The following PCDHA4 variants were observed in gnomAD, a reference collection of about 807,000 sequenced individuals.
PCDHA4 encodes protocadherin alpha 4, also known as protocadherin alpha-4.
In PCDHA4, 49 loss-of-function variants were observed where a neutral mutation model predicts 61.4. The observed-to-expected ratio is 0.80, with a 90% CI of 0.63 to 1.01. The LOEUF (loss-of-function observed/expected upper bound fraction) is 1.01. Among genes scored for constraint, PCDHA4 ranks in the 50% least tolerant of loss-of-function variants. The pLI, the probability that PCDHA4 is intolerant of heterozygous loss-of-function variation, is 0.00. For synonymous variants in PCDHA4, 590 were observed against 550.3 expected, an observed-to-expected ratio of 1.07 and a Z score of -1.01; for missense variants, 1,254 against 1,235.8, an observed-to-expected ratio of 1.01 and a Z score of -0.22.
At chr5:140,848,283 C>G in intron 1 of PCDHA4, 1 of 605,274 alleles carries the variant, frequency 1.7e-6, no homozygotes, top group Non-Finnish European at 2.9e-6. Context: ...TATGTACTTA[C>G]ACTTTGGGCC....
chr5:140,930,196 T>C (rs1554207641), intron 1 of PCDHA4: 1 of 152,226 alleles, frequency 6.6e-6, no homozygotes, highest in South Asian at 2.1e-4. Flanking sequence ...AATTTTTATG[T>C]CAGAAATATT....
intron 1 of PCDHA4, among the ~76,000 whole-genome samples, chr5:140,950,208 C>G (rs1377059178): frequency 1.3e-5 from 2 of 151,900 alleles, no homozygotes; most frequent in Non-Finnish European, 2.9e-5. Context: ...TTCTGTTTAC[C>G]TAGTCATTTA....
intron 3 of PCDHA4, among the ~76,000 whole-genome samples, chr5:141,005,701 C>CAA (rs59860837): frequency 0.061 from 476 of 7,774 alleles, 114 homozygotes; most frequent in African/African-American, 0.16. Flanking sequence ...AACTCCGTCT[C>CAA]AAAAAAAAAA....
At position 140,849,758 on chromosome 5, in the gene PCDHA4, C is replaced by G. The variant is rs150560525; in HGVS notation, c.2385+40186C>G. ...TGGACCGCGAGAGTGTGTCCGCCTA[C>G]GAGCTGGTGGTTACCGCGCGGGACG... On this transcript the variant is annotated intron_variant, in intron 1 of 3. Transcript: ENST00000530339. 7 of 1,598,378 alleles carry G rather than the reference C, an allele frequency of 4.4e-6. No homozygotes were observed. In the African/African-American group the frequency reaches 5.4e-5, roughly 12 times the overall value.
At chr5:140,866,584 T>C (rs2049444092) in intron 1 of PCDHA4, 1 of 152,156 alleles carries the variant, frequency 6.6e-6, no homozygotes, top group Non-Finnish European at 1.5e-5. Context: ...GGTTGGATAA[T>C]GTAATTCTAA....
intron 1 of PCDHA4, chr5:140,875,402 CT>C (rs2055455404): frequency 6.7e-7 from 1 of 1,488,754 alleles, no homozygotes; most frequent in African/African-American, 1.4e-5. Flanking sequence ...AGGGTGACTG[CT>C]CATAAAATAC....
At chr5:140,968,722 T>C (rs1379540261) in intron 1 of PCDHA4, 2 of 1,613,846 alleles carry the variant, frequency 1.2e-6, no homozygotes, top group Admixed American at 1.7e-5. Context: ...GAGATGAGAG[T>C]GGTAGCACTT....
At chr5:140,842,662 C>A in intron 1 of PCDHA4, 1 of 1,595,426 alleles carries the variant, frequency 6.3e-7, no homozygotes, top group East Asian at 2.2e-5. Context: ...AGGTGGCCGA[C>A]GTGAACGACA....
intron 1 of PCDHA4, chr5:140,884,293 GC>G: frequency 6.2e-7 from 1 of 1,613,666 alleles, no homozygotes; most frequent in Non-Finnish European, 8.5e-7. Flanking sequence ...GCGGCCAAGC[GC>G]CACAGGCTTC....
rs782277287 is a variant in PCDHA4 at position 140,929,397 on chromosome 5, T to C, written c.2386-49552T>C. 4.6e-6 allele frequency: 7 copies of C among 1,509,852 alleles called. No homozygotes were observed. In the South Asian group the frequency reaches 9.5e-5, roughly 21 times the overall value. The allele number at this position is 1,509,852 out of a possible 1,614,324, so 93.5% of individuals were successfully genotyped here. A position where few individuals can be genotyped will look rare whatever the true frequency, so the allele number is the denominator to read the frequency against. Reference sequence around the variant, plus strand: ...GCTAGCTGTGTTTTGAAATATTTCTTAGACAAGCCTTTCACAACATTTCAT... The same window carrying C: ...GCTAGCTGTGTTTTGAAATATTTCTCAGACAAGCCTTTCACAACATTTCAT... On this transcript the variant is annotated intron_variant, in intron 1 of 3. Transcript: ENST00000530339.
At chr5:140,918,823 C>T (rs2078875594) in intron 1 of PCDHA4, among the ~76,000 whole-genome samples, 2 of 11,382 alleles carry the variant, frequency 1.8e-4, no homozygotes, top group African/African-American at 5.2e-3. Context: ...AAAAAGTGGC[C>T]CCCTCCCCAG....
At chr5:140,862,566 T>G in intron 1 of PCDHA4, 4 of 478,186 alleles carry the variant, frequency 8.4e-6, no homozygotes, top group South Asian at 4.9e-5. Context: ...TGAACCACAA[T>G]GCCCTGGCGT....
In PCDHA4 at chr5:140,876,309, T is replaced by G. The variant is rs868927753; in HGVS notation, c.2385+66737T>G. On this transcript the variant is annotated intron_variant, in intron 1 of 3. Transcript: ENST00000530339. ...AAGGACTTAATGGAGAAATTTCCTATGGGATCAAAATGATTTTGCCAGTGA... is the reference window on the plus strand; with the variant it reads ...AAGGACTTAATGGAGAAATTTCCTAGGGGATCAAAATGATTTTGCCAGTGA... The G allele has an allele frequency of 6.2e-6, 10 of 1,614,064 alleles. No homozygotes were observed. The Admixed American group carries it at 1.7e-4, about 27-fold the overall frequency.
intron 1 of PCDHA4, chr5:140,823,051 G>A (rs140107313): frequency 6.2e-6 from 10 of 1,614,068 alleles, no homozygotes; most frequent in Non-Finnish European, 8.5e-6. Flanking sequence ...GGTGGTGACC[G>A]CGCGGGACGG....
chr5:140,875,731 A>C, intron 1 of PCDHA4: 14 of 1,614,150 alleles, frequency 8.7e-6, no homozygotes, highest in Non-Finnish European at 1.0e-5. Context: ...TTTGTTTGTG[A>C]ATTCTCGGAT....
intron 1 of PCDHA4, chr5:140,863,174 C>T (rs781864500): frequency 1.4e-6 from 1 of 714,706 alleles, no homozygotes; most frequent in East Asian, 4.3e-5. Context: ...GCGCTGACTG[C>T]CACCGTCACC....
chr5:140,906,827 G>C (rs2153497509), intron 1 of PCDHA4, among the ~76,000 whole-genome samples: 1 of 152,308 alleles, frequency 6.6e-6, no homozygotes, highest in South Asian at 2.1e-4. Flanking sequence ...TGGAGTAGTA[G>C]ACTGATTTCA....
intron 1 of PCDHA4, chr5:140,811,804 A>C (rs1764963643): frequency 6.6e-6 from 1 of 152,160 alleles, no homozygotes; most frequent in South Asian, 2.1e-4. Context: ...TCTTCTTTTG[A>C]GAAGTGTCTG....
At chr5:140,832,467 A>T (rs1308124277) in intron 1 of PCDHA4, among the ~76,000 whole-genome samples, 3 of 152,222 alleles carry the variant, frequency 2.0e-5, no homozygotes, top group Admixed American at 6.5e-5. Flanking sequence ...ACTAAAATTT[A>T]AAAAAACTAA....
Sources: allele counts gnomAD v4.1 joint callset (sites outside exome capture counted in the v4.1 genomes callset), GRCh38; gene constraint gnomAD v4.1.1; transcripts MANE v1.5; gene names NCBI Gene and HGNC (gene_info 2026-07-23, HGNC 2026-07-21).